Variants in USP49 observed in about 807,000 individuals in gnomAD.
The protein encoded by USP49 is ubiquitin carboxyl-terminal hydrolase 49.
In USP49, 24 loss-of-function variants were observed where a neutral mutation model predicts 58.6. That is an observed-to-expected ratio of 0.41 (90% CI 0.30 to 0.58). USP49 has a LOEUF of 0.58. Ranked by LOEUF, USP49 falls within the 20% of genes least tolerant of loss-of-function variation. USP49 has a pLI of 0.30. For missense variants in USP49, 703 were observed against 866.1 expected, an observed-to-expected ratio of 0.81 and a Z score of 2.36; for synonymous variants, 408 against 365.1, an observed-to-expected ratio of 1.12 and a Z score of -1.34.
chr6:41,850,775 G>T (rs1166363456), intron 3 of USP49, among the ~76,000 whole-genome samples: 2 of 151,832 alleles, frequency 1.3e-5, no homozygotes, highest in African/African-American at 2.4e-5. Flanking sequence ...GCTAATTTTT[G>T]TATTTTTAGT....
chr6:41,802,464 ATTTATTTTTTATTTATTT>A (rs1409385881), intron 5 of USP49, among the ~76,000 whole-genome samples: 2 of 73,698 alleles, frequency 2.7e-5, no homozygotes, highest in African/African-American at 5.5e-5. Flanking sequence ...TTATTTATTT[ATTTATTTTTTATTTATTT>A]TTTTTTTTTG....
intron 3 of USP49, among the ~76,000 whole-genome samples, chr6:41,864,538 C>T (rs924709146): frequency 1.3e-5 from 2 of 152,016 alleles, no homozygotes; most frequent in African/African-American, 2.4e-5. Flanking sequence ...ACTCCAGCCT[C>T]GGCGACAGAG....
At chr6:41,884,314 C>T (rs1030121710) in intron 2 of USP49, among the ~76,000 whole-genome samples, 2 of 152,118 alleles carry the variant, frequency 1.3e-5, no homozygotes, top group Non-Finnish European at 2.9e-5. Context: ...TGAGCCACCG[C>T]GCCAGGCCCA....
At chr6:41,864,541 C>T (rs993869104) in intron 3 of USP49, among the ~76,000 whole-genome samples, 4 of 152,058 alleles carry the variant, frequency 2.6e-5, no homozygotes, top group African/African-American at 4.8e-5. Context: ...CCAGCCTCGG[C>T]GACAGAGTGA....
chr6:41,835,221 G>A (rs773139509), intron 3 of USP49, among the ~76,000 whole-genome samples: 17 of 152,172 alleles, frequency 1.1e-4, no homozygotes, highest in Non-Finnish European at 2.1e-4. Flanking sequence ...TGGATGAGAT[G>A]GAAGGATGAC....
chr6:41,793,745 G>A lies in USP49; in HGVS notation c.*2788C>T, dbSNP rs1328022719. 6.6e-6 allele frequency: 1 copy of A among 152,120 alleles called. No homozygotes were observed. Among genetic ancestry groups the A allele is most frequent in the Non-Finnish European group, 1.5e-5 (1 of 68,036 alleles). 9.4% of individuals were successfully genotyped at this position (152,120 alleles called of 1,614,324 possible). Reference sequence around the variant, plus strand: ...TCTCAGAGGCAACCACAGATATGAGGGTCAGGCTAGATTGAGGTAAAAAAA... The same window carrying A: ...TCTCAGAGGCAACCACAGATATGAGAGTCAGGCTAGATTGAGGTAAAAAAA... On this transcript the variant is annotated 3_prime_UTR_variant, in exon 8 of 8. Coordinates refer to ENST00000682992, the MANE Select transcript of USP49 (RefSeq NM_001286554.2).
chr6:41,844,788 G>GT (rs1250467384), intron 3 of USP49, among the ~76,000 whole-genome samples: 9 of 152,112 alleles, frequency 5.9e-5, no homozygotes, highest in Non-Finnish European at 1.3e-4. Context: ...CATAACCGCT[G>GT]TATCTGTATA....
At position 41,799,942 on chromosome 6, in the gene USP49, T is replaced by C. The variant is rs573653566; in HGVS notation, c.1562-4A>G. On this transcript the variant is annotated splice_polypyrimidine_tract_variant and splice_region_variant and intron_variant, in intron 5 of 7. Transcript: ENST00000682992. ...GGATTGGATTTTCGTCGTTTGCCTA[T>C]GTGGTTTGGGAAGGTATAAGACATA... is the stretch of plus-strand genomic sequence containing the variant. The C allele has an allele frequency of 2.5e-6, 4 of 1,613,918 alleles. No individual in the cohort carries two copies. The highest frequency in any genetic ancestry group is 4.5e-5 in the East Asian group (2 of 44,868).
chr6:41,850,438 G>A (rs569243002), intron 3 of USP49, among the ~76,000 whole-genome samples: 104 of 148,494 alleles, frequency 7.0e-4, no homozygotes, highest in Middle Eastern at 3.5e-3. Flanking sequence ...GTGAGACTCA[G>A]CCTCTAAGGA....
At chr6:41,895,049 C>T (rs1774873439) in intron 1 of USP49, among the ~76,000 whole-genome samples, 1 of 148,372 alleles carries the variant, frequency 6.7e-6, no homozygotes, top group Admixed American at 6.7e-5. Context: ...CGGGCGCCCC[C>T]AGCCCGCCGG....
At chr6:41,859,465 T>C (rs1410906742) in intron 3 of USP49, among the ~76,000 whole-genome samples, 1 of 152,226 alleles carries the variant, frequency 6.6e-6, no homozygotes, top group Admixed American at 6.5e-5. Context: ...ATACCTTCTA[T>C]GTGCTCTCCG....
intron 2 of USP49, chr6:41,874,022 C>T (rs951231905): frequency 2.6e-5 from 4 of 152,184 alleles, no homozygotes; most frequent in African/African-American, 9.7e-5. Flanking sequence ...TGGAAGACGT[C>T]CCTTTAAATG....
chr6:41,815,330 AGAAT>A (rs531070849), intron 3 of USP49, among the ~76,000 whole-genome samples: 1 of 152,042 alleles, frequency 6.6e-6, no homozygotes, highest in South Asian at 2.1e-4. Context: ...CTGAGGCAGG[AGAAT>A]GGCGTGAACC....
At chr6:41,848,513 C>G (rs576070189) in intron 3 of USP49, among the ~76,000 whole-genome samples, 18 of 152,014 alleles carry the variant, frequency 1.2e-4, no homozygotes, top group African/African-American at 4.1e-4. Flanking sequence ...ACTATGGGTG[C>G]ATGCCACAAC....
At chr6:41,823,757 T>A (rs1773489930) in intron 3 of USP49, among the ~76,000 whole-genome samples, 1 of 152,140 alleles carries the variant, frequency 6.6e-6, no homozygotes, top group Admixed American at 6.6e-5. Context: ...GAACAGCTCC[T>A]AACATTATTG....
intron 3 of USP49, among the ~76,000 whole-genome samples, chr6:41,856,477 T>A (rs557927472): frequency 2.6e-5 from 4 of 152,272 alleles, no homozygotes; most frequent in African/African-American, 9.6e-5. Flanking sequence ...CCCAAATAGC[T>A]GCTGTGTTGT....
chr6:41,820,361 C>T (rs983016561), intron 3 of USP49, among the ~76,000 whole-genome samples: 5 of 152,114 alleles, frequency 3.3e-5, no homozygotes, highest in African/African-American at 7.2e-5. Context: ...ACCCCTTCTT[C>T]CAGCTTCCCT....
chr6:41,808,863 G>T (rs963440612), intron 3 of USP49, among the ~76,000 whole-genome samples: 5 of 152,132 alleles, frequency 3.3e-5, no homozygotes, highest in Non-Finnish European at 7.3e-5. Flanking sequence ...AGGAGTTCAA[G>T]ACCAGCCTAG....
intron 3 of USP49, among the ~76,000 whole-genome samples, chr6:41,841,094 C>T (rs1351493956): frequency 6.6e-6 from 1 of 151,976 alleles, no homozygotes; most frequent in Non-Finnish European, 1.5e-5. Flanking sequence ...CTGAGTATTT[C>T]CCATAGGCCC....
Sources: gnomAD v4.1 joint callset for allele counts (sites outside exome capture counted in the v4.1 genomes callset) on GRCh38, gnomAD v4.1.1 for gene constraint, MANE v1.5 for transcripts, NCBI Gene and HGNC (gene_info 2026-07-23, HGNC 2026-07-21) for gene names.